HOXB13: variants seen among roughly 807,000 people sequenced by gnomAD.
HOXB13 encodes the protein homeobox B13.
A neutral mutation model predicts 23.1 loss-of-function variants in HOXB13; 22 were observed. The observed-to-expected ratio is 0.95, with a 90% CI of 0.68 to 1.36. The LOEUF (loss-of-function observed/expected upper bound fraction) is 1.36, where lower values mean the gene tolerates loss of function less well. Ranked by LOEUF, HOXB13 falls within the 40% of genes most tolerant of loss-of-function variation. The probability of loss-of-function intolerance (pLI) is 0.00; values close to 1 mark genes in which losing one functional copy is unlikely to be tolerated. For synonymous variants in HOXB13, 173 were observed against 157.9 expected, an observed-to-expected ratio of 1.10 and a Z score of -0.72; for missense variants, 386 against 376.2, an observed-to-expected ratio of 1.03 and a Z score of -0.22.
In HOXB13 at chr17:48,727,050, G is replaced by A. The variant is rs370167148; in HGVS notation, c.602-7C>T. 1 of 1,603,418 alleles carries A rather than the reference G, an allele frequency of 6.2e-7. No individual in the cohort carries two copies. The highest frequency in any genetic ancestry group is 1.1e-5 in the South Asian group (1 of 91,058). On this transcript the variant is annotated splice_region_variant and splice_polypyrimidine_tract_variant and intron_variant, in intron 1 of 1. Coordinates refer to ENST00000290295, the MANE Select transcript of HOXB13 (RefSeq NM_006361.6). ...GGGTGCTGCCCGCTGGAGTCTGCGC[G>A]GCGTGAAAGGGAGGGAGGAAAAGGC...
intron 1 of HOXB13, 49 bp downstream of exon 1, chr17:48,727,944 C>A: frequency 6.4e-7 from 1 of 1,573,708 alleles, no homozygotes; most frequent in Non-Finnish European, 8.6e-7. Context: ...GCCATTGGGA[C>A]CCACAACCCC....
chr17:48,727,885 G>A (rs2038227039), intron 1 of HOXB13, 108 bp downstream of exon 1: 2 of 1,347,574 alleles, frequency 1.5e-6, no homozygotes, highest in African/African-American at 2.9e-5. Flanking sequence ...GGAGCACCAA[G>A]CTCATCCTCA....
Position 48,726,357 on chromosome 17 carries a change from TA to T in HOXB13, c.*432del, listed in dbSNP as rs2038208296. The T allele has an allele frequency of 6.1e-6, 1 of 163,316 alleles. No individual in the cohort carries two copies. Among genetic ancestry groups the T allele is most frequent in the Admixed American group, 5.9e-5 (1 of 17,082 alleles). 10.1% of individuals were successfully genotyped at this position (163,316 alleles called of 1,614,324 possible). A position where few individuals can be genotyped will look rare whatever the true frequency, so the allele number is the denominator to read the frequency against. Reference sequence around the variant, plus strand: ...CCTGCTGTTACCAGGGTGAGAGGTGTAATGGAAGGGGGTCTGAGAGAAAGCT... The same window carrying T: ...CCTGCTGTTACCAGGGTGAGAGGTGTATGGAAGGGGGTCTGAGAGAAAGCT... On this transcript the variant is annotated 3_prime_UTR_variant, in exon 2 of 2. Coordinates refer to ENST00000290295, the MANE Select transcript of HOXB13 (RefSeq NM_006361.6).
Position 48,726,561 on chromosome 17 carries a change from T to C in HOXB13, c.*229A>G. The C allele has an allele frequency of 1.8e-6, 1 of 570,036 alleles. No homozygotes were observed. Among genetic ancestry groups the C allele is most frequent in the Non-Finnish European group, 3.1e-6 (1 of 320,810 alleles). 35.3% of individuals were successfully genotyped at this position (570,036 alleles called of 1,614,324 possible). On this transcript the variant is annotated 3_prime_UTR_variant, in exon 2 of 2. Coordinates refer to ENST00000290295, the MANE Select transcript of HOXB13 (RefSeq NM_006361.6). The stretch of plus-strand genomic sequence containing the variant: ...GATGAATGATTATGACTGGGCCAGG[T>C]TCTTTGGGAACCCTGGTGGAGTGGG...
In HOXB13 at chr17:48,728,661, A is replaced by C. The variant is rs1027682164; in HGVS notation, c.-68T>G. ...AGGGGGCACCCAGCTCGCTCTCCCC[A>C]CCCAGGCCGGGGGAATCCAAAGCGT... On this transcript the variant is annotated 5_prime_UTR_variant, in exon 1 of 2. Coordinates refer to ENST00000290295, the MANE Select transcript of HOXB13 (RefSeq NM_006361.6). 126 of 1,522,788 alleles carry C rather than the reference A, an allele frequency of 8.3e-5. No individual in the cohort carries two copies. Among genetic ancestry groups the C allele is most frequent in the Non-Finnish European group, 9.8e-5 (109 of 1,110,552 alleles). The allele number at this position is 1,522,788 out of a possible 1,614,324, so 94.3% of individuals were successfully genotyped here.
intron 1 of HOXB13, 23 bp from the exon 2 acceptor site, chr17:48,727,066 A>T (rs1458457958): frequency 5.0e-6 from 8 of 1,600,648 alleles, no homozygotes; most frequent in African/African-American, 1.3e-5. Context: ...AAAGGGAGGG[A>T]GGAAAAGGCA....
chr17:48,727,844 G>A, intron 1 of HOXB13, 149 bp downstream of exon 1: 1 of 1,011,986 alleles, frequency 9.9e-7, no homozygotes, highest in Non-Finnish European at 1.5e-6. Flanking sequence ...CAGCTACTCA[G>A]ACCTCCTTCA....
rs2143071244 is a variant in HOXB13 at position 48,728,058 on chromosome 17, T to C, written c.536A>G (p.Asn179Ser). 1.2e-6 allele frequency: 2 copies of C among 1,614,138 alleles called. No homozygotes were observed. The highest frequency in any genetic ancestry group is 1.7e-6 in the Non-Finnish European group (2 of 1,179,982). ...TTCTCCCTGGCAACACATCTGGCTG[T>C]TCCAGCCACCAGCGAGAGCCCAAGA... The part of the protein sequence containing the change: ...YQSWALAGGW[N>S]SQMCCQGEQN... Residue 179 changes from asparagine to serine, a missense_variant, in exon 1 of 2, where the codon AAC becomes AGC. Transcript: ENST00000290295.
At position 48,728,246 on chromosome 17, in the gene HOXB13, G is replaced by C. The variant is rs753116559; in HGVS notation, c.348C>G (p.Ala116=). The change falls in exon 1 of 2, where the codon GCC becomes GCG. Residue 116 remains alanine (A), a synonymous_variant. Transcript: ENST00000290295. ...LAAYPAETPT[A]GEEYPSRPTE... Reference sequence around the variant, plus strand: ...TGGGGCGGCTGGGGTACTCTTCCCCGGCCGTGGGAGTCTCCGCGGGGTACG... The same window carrying C: ...TGGGGCGGCTGGGGTACTCTTCCCCCGCCGTGGGAGTCTCCGCGGGGTACG... The C allele has an allele frequency of 1.2e-6, 2 of 1,614,196 alleles. No homozygotes were observed. Among genetic ancestry groups the C allele is most frequent in the Non-Finnish European group, 1.7e-6 (2 of 1,180,050 alleles).
rs1313811013 is a variant in HOXB13, at chr17:48,726,236, T to C, written c.*554A>G. 6.5e-6 allele frequency: 1 copy of C among 154,572 alleles called. No individual in the cohort carries two copies. Among genetic ancestry groups the C allele is most frequent in the Non-Finnish European group, 1.4e-5 (1 of 69,592 alleles). 9.6% of individuals were successfully genotyped at this position (154,572 alleles called of 1,614,324 possible). A position where few individuals can be genotyped will look rare whatever the true frequency, so the allele number is the denominator to read the frequency against. ...CAAGGAGGGAGGAAGAGACAGCCTC[T>C]ACAATTGTCCACCTACCCAGCTGTC... On this transcript the variant is annotated 3_prime_UTR_variant, in exon 2 of 2. Transcript: ENST00000290295.
chr17:48,726,564 T>C lies in HOXB13; in HGVS notation c.*226A>G, dbSNP rs2038210223. ...GAATGATTATGACTGGGCCAGGTTC[T>C]TTGGGAACCCTGGTGGAGTGGGCTG... On this transcript the variant is annotated 3_prime_UTR_variant, in exon 2 of 2. Coordinates refer to ENST00000290295, the MANE Select transcript of HOXB13 (RefSeq NM_006361.6). 3.5e-6 allele frequency: 2 copies of C among 578,288 alleles called. No individual in the cohort carries two copies. The highest frequency in any genetic ancestry group is 6.0e-5 in the Admixed American group (2 of 33,244). The allele number at this position is 578,288 out of a possible 1,614,324, so 35.8% of individuals were successfully genotyped here. A position where few individuals can be genotyped will look rare whatever the true frequency, so the allele number is the denominator to read the frequency against.
At position 48,728,704 on chromosome 17, in the gene HOXB13, T is replaced by A; in HGVS notation, c.-111A>T. 2.9e-6 allele frequency: 3 copies of A among 1,050,796 alleles called. No individual in the cohort carries two copies. Among genetic ancestry groups the A allele is most frequent in the African/African-American group, 1.6e-5 (1 of 62,736 alleles). 65.1% of individuals were successfully genotyped at this position (1,050,796 alleles called of 1,614,324 possible). On this transcript the variant is annotated 5_prime_UTR_variant, in exon 1 of 2. Transcript: ENST00000290295. Reference sequence around the variant, plus strand: ...CAAAGCGTTTTAAATCGCTCCCAGCTCGCAAGTCGCCTGCATTCGCTCAGC... The same window carrying A: ...CAAAGCGTTTTAAATCGCTCCCAGCACGCAAGTCGCCTGCATTCGCTCAGC...
At chr17:48,727,317 A>C (rs1162652730) in intron 1 of HOXB13, among the ~76,000 whole-genome samples, 1 of 151,974 alleles carries the variant, frequency 6.6e-6, no homozygotes, top group Non-Finnish European at 1.5e-5. Context: ...CACACCACAC[A>C]CAGTCAGGCC....
In HOXB13 at chr17:48,726,979, C is replaced by T. The variant is rs1230526859; in HGVS notation, c.666G>A (p.Pro222=). 5.0e-6 allele frequency: 8 copies of T among 1,612,860 alleles called. No individual in the cohort carries two copies. The highest frequency in any genetic ancestry group is 1.7e-5 in the Admixed American group (1 of 59,990). The change falls in exon 2 of 2, where the codon CCG becomes CCA. Residue 222 remains proline, a synonymous_variant. Coordinates refer to ENST00000290295, the MANE Select transcript of HOXB13 (RefSeq NM_006361.6). ...AFRRGRKKRI[P]YSKGQLRELE... ...GCTCCCGCAACTGCCCCTTGCTGTA[C>T]GGAATGCGTTTCTTGCGGCCGCGAC...
rs1204388760 is a variant in HOXB13, at chr17:48,726,784, G to T, written c.*6C>A. On this transcript the variant is annotated 3_prime_UTR_variant, in exon 2 of 2. Transcript: ENST00000290295. Reference sequence around the variant, plus strand: ...TTCGCTCCTCCCACCCAGGCAAGGAGATCTCTTAAGGGGTAGCGCTGTTCT... The same window carrying T: ...TTCGCTCCTCCCACCCAGGCAAGGATATCTCTTAAGGGGTAGCGCTGTTCT... 2 of 1,612,520 alleles carry T rather than the reference G, an allele frequency of 1.2e-6. No individual in the cohort carries two copies. Among genetic ancestry groups the T allele is most frequent in the South Asian group, 1.1e-5 (1 of 91,056 alleles).
chr17:48,726,726 G>T lies in HOXB13; in HGVS notation c.*64C>A. On this transcript the variant is annotated 3_prime_UTR_variant, in exon 2 of 2. Coordinates refer to ENST00000290295, the MANE Select transcript of HOXB13 (RefSeq NM_006361.6). ...AGTCCTTGGCCCCAGCCTGGGCTTGGCAGGTTCCTGGTCTCCCCAGGACAC... is the reference window on the plus strand; with the variant it reads ...AGTCCTTGGCCCCAGCCTGGGCTTGTCAGGTTCCTGGTCTCCCCAGGACAC... 6.3e-7 allele frequency: 1 copy of T among 1,580,066 alleles called. No individual in the cohort carries two copies. Among genetic ancestry groups the T allele is most frequent in the Non-Finnish European group, 8.6e-7 (1 of 1,160,904 alleles).
chr17:48,728,281 TG>T lies in HOXB13; in HGVS notation c.312del (p.Thr105ProfsTer174). 1 of 1,614,010 alleles carries T rather than the reference TG, an allele frequency of 6.2e-7. No individual in the cohort carries two copies. The highest frequency in any genetic ancestry group is 8.5e-7 in the Non-Finnish European group (1 of 1,180,016). ...GTCTCCGCGGGGTACGCGGCCAGGG[TG>T]GCTGCCTGGGCACAGGGTTTCAGCG... ...RSSLKPCAQA[A>X]TLAAYPAETP... On this transcript the variant is annotated frameshift_variant, in exon 1 of 2. Coordinates refer to ENST00000290295, the MANE Select transcript of HOXB13 (RefSeq NM_006361.6). LOFTEE classifies it high-confidence loss of function.
In HOXB13 at chr17:48,728,079, C is replaced by T; in HGVS notation, c.515G>A (p.Trp172Ter). 6.2e-7 allele frequency: 1 copy of T among 1,614,212 alleles called. No homozygotes were observed. Among genetic ancestry groups the T allele is most frequent in the South Asian group, 1.1e-5 (1 of 91,082 alleles). Residue 172 changes from tryptophan to a stop codon, truncating the protein, a stop_gained, in exon 1 of 2, where the codon TGG (tryptophan) becomes TAG (stop). Coordinates refer to ENST00000290295, the MANE Select transcript of HOXB13 (RefSeq NM_006361.6). LOFTEE classifies it high-confidence loss of function. The part of the protein sequence containing the change: ...SLLPVDSYQS[W>*]ALAGGWNSQM... The stretch of plus-strand genomic sequence containing the variant: ...GCTGTTCCAGCCACCAGCGAGAGCC[C>T]AAGACTGGTAACTGTCCACAGGCAA...
chr17:48,727,154 C>A, intron 1 of HOXB13, 111 bp from the exon 2 acceptor site: 1 of 1,325,376 alleles, frequency 7.5e-7, no homozygotes, highest in African/African-American at 1.5e-5. Context: ...CACAGGTCAC[C>A]CTACAGGCGC....
Sources: gnomAD v4.1 joint callset for allele counts (sites outside exome capture counted in the v4.1 genomes callset) on GRCh38, gnomAD v4.1.1 for gene constraint, MANE v1.5 for transcripts, NCBI Gene and HGNC (gene_info 2026-07-23, HGNC 2026-07-21) for gene names.